FAT3: variants seen among roughly 807,000 people sequenced by gnomAD.
FAT3 encodes the protein FAT atypical cadherin 3.
FAT3 carries 95 observed loss-of-function variants against 310.2 expected under a neutral mutation model. The ratio of observed to expected loss-of-function variants is 0.31; its 90% CI spans 0.26 to 0.36. FAT3 has a LOEUF of 0.36. Among genes scored for constraint, FAT3 ranks in the 10% least tolerant of loss-of-function variants. FAT3 has a pLI of 1.00. For synonymous variants in FAT3, 2,314 were observed against 2,192.9 expected, an observed-to-expected ratio of 1.06 and a Z score of -1.54; for missense variants, 5,408 against 5,715.6, an observed-to-expected ratio of 0.95 and a Z score of 1.74.
chr11:92,576,992 A>G (rs1355202706), intron 3 of FAT3, among the ~76,000 whole-genome samples: 2 of 149,578 alleles, frequency 1.3e-5, no homozygotes, highest in Non-Finnish European at 3.0e-5. Flanking sequence ...TTTGAATCAT[A>G]GACTATTATA....
intron 3 of FAT3, among the ~76,000 whole-genome samples, chr11:92,541,316 C>A (rs1187749270): frequency 1.3e-5 from 2 of 152,170 alleles, no homozygotes; most frequent in Non-Finnish European, 2.9e-5. Flanking sequence ...TAATATGCAT[C>A]ACTGATACTG....
Position 92,798,189 on chromosome 11 carries a change from C to G in FAT3, c.5176C>G (p.Gln1726Glu). 1 of 1,613,894 alleles carries G rather than the reference C, an allele frequency of 6.2e-7. No homozygotes were observed. Among genetic ancestry groups the G allele is most frequent in the Non-Finnish European group, 8.5e-7 (1 of 1,179,862 alleles). ...TCCATATTCTGGAGTCATCACCACT[C>G]AGAAGGCCCTGGATTATGAGCGCAC... The part of the protein sequence containing the change: ...INPYSGVITT[Q>E]KALDYERTSS... Residue 1726 changes from glutamine (Q) to glutamate (E), a missense_variant, in exon 10 of 28, where the codon CAG (glutamine) becomes GAG (glutamate). Physicochemically the swap from Gln to Glu is conservative, Grantham distance 29. Coordinates refer to ENST00000525166, the MANE Select transcript of FAT3 (RefSeq NM_001367949.2).
At chr11:92,275,546 C>A (rs1378764680) in intron 1 of FAT3, among the ~76,000 whole-genome samples, 1 of 151,898 alleles carries the variant, frequency 6.6e-6, no homozygotes, top group Non-Finnish European at 1.5e-5. Flanking sequence ...GAATCTGTTT[C>A]CTTACTTTCT....
At chr11:92,859,490 A>G (rs1949068613) in intron 21 of FAT3, among the ~76,000 whole-genome samples, 168 bp downstream of exon 21, 1 of 152,120 alleles carries the variant, frequency 6.6e-6, no homozygotes, top group African/African-American at 2.4e-5. Flanking sequence ...CCAACATCCC[A>G]TTTCCTTTTG....
chr11:92,320,606 G>A (rs1230259622), intron 1 of FAT3, among the ~76,000 whole-genome samples: 1 of 152,028 alleles, frequency 6.6e-6, no homozygotes, highest in Non-Finnish European at 1.5e-5. Context: ...AGTGGCTCAC[G>A]CCTGTAATCC....
chr11:92,812,454 C>A (rs1032566656), intron 13 of FAT3, among the ~76,000 whole-genome samples: 1 of 151,804 alleles, frequency 6.6e-6, no homozygotes, highest in Non-Finnish European at 1.5e-5. Context: ...GGTGGTACTA[C>A]GCCTGTAGTC....
chr11:92,290,087 C>T (rs779578976), intron 1 of FAT3, among the ~76,000 whole-genome samples: 1 of 152,086 alleles, frequency 6.6e-6, no homozygotes, highest in African/African-American at 2.4e-5. Flanking sequence ...GCCTGCTGTG[C>T]TCTTCCCCAT....
chr11:92,722,319 A>C (rs185976867), intron 4 of FAT3, among the ~76,000 whole-genome samples: 34 of 152,314 alleles, frequency 2.2e-4, no homozygotes, highest in African/African-American at 7.7e-4. Context: ...CAAATCTTAA[A>C]GCTCCAAAAT....
At chr11:92,825,942 G>C (rs954778293) in intron 13 of FAT3, among the ~76,000 whole-genome samples, 1 of 152,080 alleles carries the variant, frequency 6.6e-6, no homozygotes, top group Admixed American at 6.5e-5. Context: ...ATGTGAGAGA[G>C]GAAGTTAGAA....
intron 1 of FAT3, among the ~76,000 whole-genome samples, chr11:92,285,770 G>A (rs1026560193): frequency 1.1e-4 from 17 of 152,138 alleles, no homozygotes; most frequent in Non-Finnish European, 2.1e-4. Context: ...TAAATTTGGT[G>A]CCAAAATTAA....
At chr11:92,442,396 A>G (rs1951096532) in intron 2 of FAT3, among the ~76,000 whole-genome samples, 1 of 151,132 alleles carries the variant, frequency 6.6e-6, no homozygotes. Flanking sequence ...TACAGGCATG[A>G]GCCACCGCGC....
At chr11:92,553,921 T>G (rs1954915000) in intron 3 of FAT3, among the ~76,000 whole-genome samples, 1 of 151,910 alleles carries the variant, frequency 6.6e-6, no homozygotes, top group Non-Finnish European at 1.5e-5. Context: ...TTCTCCTGCC[T>G]CAGCCTCCCA....
Position 92,799,629 on chromosome 11 carries a change from C to T in FAT3, c.6616C>T (p.Leu2206=), listed in dbSNP as rs1308162267. 6.2e-7 allele frequency: 1 copy of T among 1,613,636 alleles called. No individual in the cohort carries two copies. The highest frequency in any genetic ancestry group is 8.5e-7 in the Non-Finnish European group (1 of 1,179,810). ...NEDIRMNTPI[L]SINATSPEGQ... The stretch of plus-strand genomic sequence containing the variant: ...AGACATCAGAATGAACACACCCATC[C>T]TAAGCATCAATGCCACCAGTCCAGA... Residue 2206 remains leucine, a synonymous_variant, in exon 10 of 28, where the codon CTA becomes TTA. Transcript: ENST00000525166.
intron 2 of FAT3, among the ~76,000 whole-genome samples, chr11:92,452,940 A>G (rs554016361): frequency 1.3e-4 from 19 of 151,900 alleles, no homozygotes; most frequent in Non-Finnish European, 2.5e-4. Context: ...TACCCAGCTA[A>G]TTTTTGTATT....
At chr11:92,770,989 A>G (rs2136108779) in intron 6 of FAT3, among the ~76,000 whole-genome samples, 1 of 152,270 alleles carries the variant, frequency 6.6e-6, no homozygotes, top group South Asian at 2.1e-4. Flanking sequence ...TTGACCGAAA[A>G]TGGTCAAAGA....
intron 2 of FAT3, among the ~76,000 whole-genome samples, chr11:92,434,015 CAAA>C (rs5793598): frequency 7.9e-6 from 1 of 125,876 alleles, no homozygotes; most frequent in Non-Finnish European, 1.6e-5. Context: ...GACTCAGTCT[CAAA>C]AAAAAAAAAA....
At chr11:92,875,325 G>C (rs1447698743) in intron 22 of FAT3, among the ~76,000 whole-genome samples, 2 of 145,792 alleles carry the variant, frequency 1.4e-5, no homozygotes, top group Non-Finnish European at 3.0e-5. Flanking sequence ...ATCCTAGACA[G>C]TTTGCTGCTC....
intron 13 of FAT3, among the ~76,000 whole-genome samples, chr11:92,827,745 G>A (rs940807486): frequency 6.6e-6 from 1 of 152,092 alleles, no homozygotes; most frequent in Non-Finnish European, 1.5e-5. Context: ...CTAGGAATTT[G>A]TATGTGCTAT....
chr11:92,357,498 T>C (rs559470716), intron 2 of FAT3, among the ~76,000 whole-genome samples: 30 of 152,320 alleles, frequency 2.0e-4, no homozygotes, highest in Non-Finnish European at 3.8e-4. Flanking sequence ...ACTTATTGAC[T>C]AATGGTGCTG....
Sources: allele counts gnomAD v4.1 joint callset (sites outside exome capture counted in the v4.1 genomes callset), GRCh38; gene constraint gnomAD v4.1.1; transcripts MANE v1.5; gene names NCBI Gene and HGNC (gene_info 2026-07-23, HGNC 2026-07-21).